The following DPP10 variants were observed in gnomAD, a reference collection of about 807,000 sequenced individuals.
The protein encoded by DPP10 is inactive dipeptidyl peptidase 10.
In DPP10, 33 loss-of-function variants were observed where a neutral mutation model predicts 120.9. That is an observed-to-expected ratio of 0.27 (90% CI 0.21 to 0.37). The LOEUF is 0.37. DPP10 is among the 10% of genes least tolerant of loss of function. The pLI is 1.00. For synonymous variants in DPP10, 337 were observed against 326.1 expected, an observed-to-expected ratio of 1.03 and a Z score of -0.36; for missense variants, 816 against 942.8, an observed-to-expected ratio of 0.87 and a Z score of 1.76.
intron 1 of DPP10, among the ~76,000 whole-genome samples, chr2:114,807,454 T>A (rs1050392769): frequency 3.3e-5 from 5 of 152,208 alleles, no homozygotes; most frequent in African/African-American, 1.2e-4. Context: ...AATAAATATT[T>A]TTTAACTATA....
chr2:115,525,930 A>C lies in DPP10; in HGVS notation c.399A>C (p.Ser133=). Residue 133 remains serine (S), a synonymous_variant, in exon 5 of 26, where the codon TCA becomes TCC. Coordinates refer to ENST00000410059, the MANE Select transcript of DPP10 (RefSeq NM_020868.6). ...VTFKASRHSV[S]PDLKYVLLAY... ...TCAAAGCATCAAGACATTCAGTTTC[A>C]CCAGATTTAAAATATGTCCTTCTGG... The C allele has an allele frequency of 6.2e-7, 1 of 1,610,090 alleles. No homozygotes were observed.
At chr2:115,431,997 C>T (rs2071036570) in intron 3 of DPP10, among the ~76,000 whole-genome samples, 1 of 152,050 alleles carries the variant, frequency 6.6e-6, no homozygotes, top group Non-Finnish European at 1.5e-5. Context: ...AATCTGTATA[C>T]TGTATAGTGA....
chr2:115,046,378 T>C (rs1226966849), intron 1 of DPP10, among the ~76,000 whole-genome samples: 1 of 152,192 alleles, frequency 6.6e-6, no homozygotes, highest in Non-Finnish European at 1.5e-5. Flanking sequence ...ACTTTGAAGC[T>C]TAAATAGATT....
intron 1 of DPP10, among the ~76,000 whole-genome samples, chr2:114,840,020 A>G (rs1347473512): frequency 1.3e-5 from 2 of 152,158 alleles, no homozygotes; most frequent in Non-Finnish European, 2.9e-5. Flanking sequence ...TTCCAGGTTC[A>G]TGTAAAGCTG....
chr2:114,930,584 A>G (rs1203355033), intron 1 of DPP10, among the ~76,000 whole-genome samples: 1 of 152,190 alleles, frequency 6.6e-6, no homozygotes, highest in Non-Finnish European at 1.5e-5. Flanking sequence ...TTTACTGTCT[A>G]TATTTCTATC....
At chr2:114,620,524 A>T (rs1210874987) in intron 1 of DPP10, among the ~76,000 whole-genome samples, 5 of 152,080 alleles carry the variant, frequency 3.3e-5, no homozygotes, top group African/African-American at 1.2e-4. Context: ...AAGTAAAAAA[A>T]CCTATTATAG....
At chr2:115,766,310 G>GTGTGTA (rs1371625141) in intron 12 of DPP10, among the ~76,000 whole-genome samples, 4 of 81,746 alleles carry the variant, frequency 4.9e-5, no homozygotes, top group South Asian at 9.7e-4. Flanking sequence ...GTGTGTGTGT[G>GTGTGTA]TATATATATA....
intron 5 of DPP10, among the ~76,000 whole-genome samples, chr2:115,549,306 CA>C (rs1308259477): frequency 6.6e-6 from 1 of 152,110 alleles, no homozygotes; most frequent in African/African-American, 2.4e-5. Flanking sequence ...CTTTCTACCC[CA>C]ACTGTGTGTG....
At chr2:115,591,166 T>C (rs2082637121) in intron 5 of DPP10, among the ~76,000 whole-genome samples, 1 of 152,228 alleles carries the variant, frequency 6.6e-6, no homozygotes, top group Admixed American at 6.5e-5. Flanking sequence ...TTTAATTAGA[T>C]CCCATTTGTC....
rs564589285 is a variant in DPP10, at chr2:114,498,324, C to T, written c.60+55486C>T. Among the ~76,000 whole-genome samples the T allele has an allele frequency of 2.0e-5, 3 of 152,258 alleles. No individual in the cohort carries two copies. In the East Asian group the frequency reaches 5.8e-4, roughly 29 times the overall value. On this transcript the variant is annotated intron_variant, in intron 1 of 25. Coordinates refer to ENST00000410059, the MANE Select transcript of DPP10 (RefSeq NM_020868.6). ...AACAACAGCTCCCTACTTCCTCCCT[C>T]CCCCTCCCCTGCCAGGCTTTGGTAA...
chr2:115,645,069 A>G (rs891781166), intron 5 of DPP10, among the ~76,000 whole-genome samples: 2 of 152,184 alleles, frequency 1.3e-5, no homozygotes, highest in African/African-American at 4.8e-5. Context: ...GTCTCCTATT[A>G]TTTTAAGCAT....
intron 1 of DPP10, among the ~76,000 whole-genome samples, chr2:114,839,721 T>G (rs1474487119): frequency 6.6e-6 from 1 of 152,166 alleles, no homozygotes; most frequent in East Asian, 1.9e-4. Flanking sequence ...CTCTTTGTAC[T>G]TAGATTAAAA....
At chr2:115,448,806 A>T (rs2072852405) in intron 3 of DPP10, among the ~76,000 whole-genome samples, 2 of 152,120 alleles carry the variant, frequency 1.3e-5, no homozygotes, top group Non-Finnish European at 2.9e-5. Flanking sequence ...TACCACAGAG[A>T]TCCCTTTCCA....
At chr2:114,592,879 C>T (rs1691578952) in intron 1 of DPP10, among the ~76,000 whole-genome samples, 1 of 152,140 alleles carries the variant, frequency 6.6e-6, no homozygotes, top group Non-Finnish European at 1.5e-5. Context: ...GTACACCAGT[C>T]TCTAGAATTC....
At chr2:115,457,798 T>G (rs879828371) in intron 3 of DPP10, among the ~76,000 whole-genome samples, 1 of 152,126 alleles carries the variant, frequency 6.6e-6, no homozygotes, top group African/African-American at 2.4e-5. Context: ...ACCCAGTAAT[T>G]CCACTGTTAT....
At chr2:114,691,189 T>A (rs1699721460) in intron 1 of DPP10, among the ~76,000 whole-genome samples, 1 of 152,086 alleles carries the variant, frequency 6.6e-6, no homozygotes, top group African/African-American at 2.4e-5. Context: ...AAGTGTGATA[T>A]TAGCTGTGGG....
chr2:115,616,841 C>T (rs1257785697), intron 5 of DPP10, among the ~76,000 whole-genome samples: 2 of 152,016 alleles, frequency 1.3e-5, no homozygotes, highest in Non-Finnish European at 2.9e-5. Context: ...GGAAATTGCT[C>T]TTGTTCAACC....
chr2:114,855,511 G>A (rs555036687), intron 1 of DPP10, among the ~76,000 whole-genome samples: 1 of 152,104 alleles, frequency 6.6e-6, no homozygotes, highest in African/African-American at 2.4e-5. Context: ...AATTTCAGAA[G>A]GTTTAAAAAG....
At chr2:114,618,184 T>C (rs1323134633) in intron 1 of DPP10, among the ~76,000 whole-genome samples, 4 of 152,106 alleles carry the variant, frequency 2.6e-5, no homozygotes, top group Non-Finnish European at 2.9e-5. Context: ...TTAATATCAT[T>C]GGATTAATTG....
Sources: gnomAD v4.1 joint callset for allele counts (sites outside exome capture counted in the v4.1 genomes callset) on GRCh38, gnomAD v4.1.1 for gene constraint, MANE v1.5 for transcripts, NCBI Gene and HGNC (gene_info 2026-07-23, HGNC 2026-07-21) for gene names.